The following PRDM15 variants were observed in gnomAD, a reference collection of about 807,000 sequenced individuals.
PRDM15 encodes the protein PR/SET domain 15, also known as PR domain zinc finger protein 15.
A neutral mutation model predicts 128.6 loss-of-function variants in PRDM15; 64 were observed. That is an observed-to-expected ratio of 0.50 (90% confidence interval 0.41 to 0.61). The LOEUF is 0.61. PRDM15 is among the 20% of genes least tolerant of loss of function. The probability of loss-of-function intolerance (pLI) is 0.00; values close to 1 mark genes in which losing one functional copy is unlikely to be tolerated. For missense variants in PRDM15, 1,242 were observed against 1,569.1 expected (o/e 0.79, Z 3.52); for synonymous variants, 615 against 621.8 (o/e 0.99, Z 0.16).
At position 41,823,320 on chromosome 21, in the gene PRDM15, T is replaced by C. The variant is rs1177292511; in HGVS notation, c.1759A>G (p.Lys587Glu). ...TGAGGGCAGCACGCGATCGACACCT[T>C]GAAGTGGACATGGATGTGGTCCCTG... ...VLRDHIHVHF[K>E]DIALMDDHQR... Residue 587 changes from lysine to glutamate, a missense_variant and splice_region_variant, in exon 14 of 24, where the codon AAG becomes GAG. Lys to Glu is a moderately conservative substitution (Grantham distance 56, BLOSUM62 1). Transcript: ENST00000398548. 6.2e-7 allele frequency: 1 copy of C among 1,608,510 alleles called. No homozygotes were observed. Among genetic ancestry groups the C allele is most frequent in the Non-Finnish European group, 8.5e-7 (1 of 1,177,578 alleles).
intron 10 of PRDM15, among the ~76,000 whole-genome samples, chr21:41,835,759 C>T (rs1354558389): frequency 6.6e-6 from 1 of 152,202 alleles, no homozygotes; most frequent in Non-Finnish European, 1.5e-5. Flanking sequence ...CCCCCATTCT[C>T]CTGACTCTTC....
chr21:41,807,550 T>C (rs1308318745), intron 21 of PRDM15, among the ~76,000 whole-genome samples: 1 of 151,912 alleles, frequency 6.6e-6, no homozygotes, highest in Non-Finnish European at 1.5e-5. Flanking sequence ...CACACTGCTG[T>C]CTAGGGTCAT....
chr21:41,836,119 C>T lies in PRDM15; in HGVS notation c.1272G>A (p.Arg424=). The T allele has an allele frequency of 6.2e-7, 1 of 1,613,464 alleles. No homozygotes were observed. The highest frequency in any genetic ancestry group is 8.5e-7 in the Non-Finnish European group (1 of 1,179,614). ...LKQHVSYKHS[R]NEVDGEYRYR... ...TGGGCTTGTTTCCACCCACCTCGTTCCTGCTGTGCTTGTAGGAAACGTGCT... is the reference window on the plus strand; with the variant it reads ...TGGGCTTGTTTCCACCCACCTCGTTTCTGCTGTGCTTGTAGGAAACGTGCT... The change falls in exon 10 of 24, where the codon AGG becomes AGA. Residue 424 remains arginine, a synonymous_variant. Coordinates refer to ENST00000398548, the MANE Select transcript of PRDM15 (RefSeq NM_001040424.3).
In PRDM15 at chr21:41,859,197, G is replaced by T; in HGVS notation, c.131+395C>A. 1.9e-6 allele frequency: 3 copies of T among 1,613,978 alleles called. No individual in the cohort carries two copies. The highest frequency in any genetic ancestry group is 2.5e-6 in the Non-Finnish European group (3 of 1,179,984). On this transcript the variant is annotated intron_variant, in intron 3 of 23. Coordinates refer to ENST00000398548, the MANE Select transcript of PRDM15 (RefSeq NM_001040424.3). The surrounding 1 kb of genome is among the most constrained non-coding windows in gnomAD (Gnocchi z 5.3). The stretch of plus-strand genomic sequence containing the variant: ...TAACCCCGCATCCCCTGCCCCGCCT[G>T]GGTGTGCACGTGTCCGCTGGCAGGC...
rs372202040 is a variant in PRDM15 at position 41,878,809 on chromosome 21, A to C, written c.-10+461T>G. 2.6e-5 allele frequency: 31 copies of C among 1,207,630 alleles called. 1 individual carries two copies. The African/African-American group carries it at 3.2e-4, about 12-fold the overall frequency. 74.8% of individuals were successfully genotyped at this position (1,207,630 alleles called of 1,614,324 possible). On this transcript the variant is annotated intron_variant, in intron 1 of 23. Coordinates refer to ENST00000398548, the MANE Select transcript of PRDM15 (RefSeq NM_001040424.3). ...GACATCCCCTGGGGCCTCGGCGACG[A>C]CGCCGCCCGGCGGCGGGGGCCGCGG...
chr21:41,806,605 CCACCATCATCACCACCAT>C, intron 21 of PRDM15, among the ~76,000 whole-genome samples: 1 of 4,444 alleles, frequency 2.3e-4, no homozygotes, highest in Non-Finnish European at 4.8e-4. Context: ...ATTACTACCA[CCACCATCATCACCACCAT>C]CATCACCACC....
intron 5 of PRDM15, among the ~76,000 whole-genome samples, chr21:41,848,228 G>GT (rs1354532925): frequency 6.6e-6 from 1 of 152,202 alleles, no homozygotes; most frequent in African/African-American, 2.4e-5. Flanking sequence ...AAAAAAACAT[G>GT]TATCTTTTCA....
chr21:41,844,648 A>G (rs1481474554), intron 6 of PRDM15, among the ~76,000 whole-genome samples: 1 of 73,186 alleles, frequency 1.4e-5, no homozygotes, highest in Non-Finnish European at 2.6e-5. Flanking sequence ...CCTCACAGAG[A>G]CACACATACA....
At chr21:41,857,529 G>T (rs1245536729) in intron 3 of PRDM15, among the ~76,000 whole-genome samples, 200 bp from the exon 4 acceptor site, 1 of 152,212 alleles carries the variant, frequency 6.6e-6, no homozygotes, top group Non-Finnish European at 1.5e-5. Flanking sequence ...GAAGGCCAAG[G>T]TGTGAAGACT....
In PRDM15 at chr21:41,811,930, C is replaced by G. The variant is rs891938605; in HGVS notation, c.2393-1094G>C. On this transcript the variant is annotated intron_variant, in intron 19 of 23. Transcript: ENST00000398548. This position sits in a 1 kb window ranked among gnomAD's most constrained non-coding sequence, Gnocchi z 4.1. ...CTCGTGATCCGCCCGCCTCGGCCTC[C>G]CAAAGTGCTGGGATTACAAGCGTGA... 1 of 152,208 alleles carries G rather than the reference C, an allele frequency of 6.6e-6. No individual in the cohort carries two copies. Among genetic ancestry groups the G allele is most frequent in the South Asian group, 2.1e-4 (1 of 4,832 alleles). 9.4% of individuals were successfully genotyped at this position (152,208 alleles called of 1,614,324 possible).
chr21:41,858,609 C>A (rs1037837285), intron 3 of PRDM15, among the ~76,000 whole-genome samples: 1 of 151,972 alleles, frequency 6.6e-6, no homozygotes, highest in Non-Finnish European at 1.5e-5. Context: ...CCGACAGAGG[C>A]GGACATGAGG....
At chr21:41,867,430 A>G (rs2064050743) in intron 1 of PRDM15, 1 of 1,324,966 alleles carries the variant, frequency 7.5e-7, no homozygotes, top group East Asian at 2.3e-5. Flanking sequence ...TCAGCAGAAC[A>G]GGTGAAACAT....
At position 41,822,017 on chromosome 21, in the gene PRDM15, G is replaced by T. The variant is rs749579482; in HGVS notation, c.1782C>A (p.Asp594Glu). 6.2e-7 allele frequency: 1 copy of T among 1,613,990 alleles called. No homozygotes were observed. Among genetic ancestry groups the T allele is most frequent in the African/African-American group, 1.3e-5 (1 of 74,940 alleles). The change falls in exon 15 of 24, where the codon GAC (aspartate) becomes GAA (glutamate). Residue 594 changes from aspartate (D) to glutamate (E), a missense_variant. Physicochemically the swap from Asp to Glu is conservative, Grantham distance 45. This residue lies in a region of PRDM15 where 602 missense variants were observed against 788.3 expected (regional missense o/e 0.76). Coordinates refer to ENST00000398548, the MANE Select transcript of PRDM15 (RefSeq NM_001040424.3). The part of the protein sequence containing the change: ...VHFKDIALMD[D>E]HQREEFIGKI... ...TGCCGATAAACTCTTCCCTCTGGTG[G>T]TCATCCATCAACGCGATGTCCTGGA... is the stretch of plus-strand genomic sequence containing the variant.
intron 1 of PRDM15, among the ~76,000 whole-genome samples, chr21:41,876,099 C>G (rs2146065367): frequency 6.6e-6 from 1 of 152,294 alleles, no homozygotes; most frequent in Non-Finnish European, 1.5e-5. Flanking sequence ...AAAATGCGGT[C>G]CTATCATCTT....
rs993156101 is a variant in PRDM15 at position 41,799,865 on chromosome 21, T to C, written c.*1375A>G. On this transcript the variant is annotated 3_prime_UTR_variant, in exon 24 of 24. Coordinates refer to ENST00000398548, the MANE Select transcript of PRDM15 (RefSeq NM_001040424.3). ...AGTACCAGGAAAGTTAAGAGCAAAC[T>C]TCTCCCCACACCTCTCAGTGTTTCT... The C allele has an allele frequency of 6.6e-6, 1 of 152,454 alleles. No homozygotes were observed. Among genetic ancestry groups the C allele is most frequent in the African/African-American group, 2.4e-5 (1 of 41,432 alleles). 9.4% of individuals were successfully genotyped at this position (152,454 alleles called of 1,614,324 possible).
Position 41,821,887 on chromosome 21 carries a change from G to C in PRDM15, c.1896+16C>G. On this transcript the variant is annotated intron_variant, in intron 15 of 23. Coordinates refer to ENST00000398548, the MANE Select transcript of PRDM15 (RefSeq NM_001040424.3). The surrounding 1 kb of genome is among the most constrained non-coding windows in gnomAD (Gnocchi z 5.4). ...TCTCCAGACCACCCAGGCACCGCGG[G>C]GCAAACCCGCCATACCTGGCACCGC... 2 of 1,613,222 alleles carry C rather than the reference G, an allele frequency of 1.2e-6. No individual in the cohort carries two copies. Among genetic ancestry groups the C allele is most frequent in the Non-Finnish European group, 1.7e-6 (2 of 1,180,002 alleles).
At chr21:41,803,887 A>C (rs1242427743) in intron 22 of PRDM15, among the ~76,000 whole-genome samples, 1 of 152,038 alleles carries the variant, frequency 6.6e-6, no homozygotes, top group African/African-American at 2.4e-5. Flanking sequence ...TTAACTAAAA[A>C]TTTCTTTAAA....
At chr21:41,876,171 T>A (rs2146066056) in intron 1 of PRDM15, among the ~76,000 whole-genome samples, 1 of 152,338 alleles carries the variant, frequency 6.6e-6, no homozygotes, top group African/African-American at 2.4e-5. Flanking sequence ...ACAGTGTGAC[T>A]ACAATTGGAA....
At chr21:41,871,192 T>C (rs567834068) in intron 1 of PRDM15, among the ~76,000 whole-genome samples, 1 of 152,258 alleles carries the variant, frequency 6.6e-6, no homozygotes, top group African/African-American at 2.4e-5. Context: ...TGCCCAGCAG[T>C]TAAAAGGCAT....
Sources: gnomAD v4.1 joint callset for allele counts (sites outside exome capture counted in the v4.1 genomes callset) on GRCh38, gnomAD v4.1.1 for gene constraint, gnomAD v4.1.1 regional missense constraint, Gnocchi (gnomAD v3.1) non-coding constraint, MANE v1.5 for transcripts, NCBI Gene and HGNC (gene_info 2026-07-23, HGNC 2026-07-21) for gene names.